The following CNOT1 variants were observed in gnomAD, a reference collection of about 807,000 sequenced individuals.
The protein encoded by CNOT1 is CCR4-NOT transcription complex subunit 1.
Under a neutral mutation model 273.8 loss-of-function variants are expected in CNOT1, and 15 were observed. The ratio of observed to expected loss-of-function variants is 0.05; its 90% CI spans 0.04 to 0.08. The LOEUF is 0.08. CNOT1 is among the 10% of genes least tolerant of loss of function. The pLI, the probability that CNOT1 is intolerant of heterozygous loss-of-function variation, is 1.00. For missense variants in CNOT1, 1,644 were observed against 2,912.2 expected (o/e 0.56, Z 10.02); for synonymous variants, 1,022 against 1,005.5 (o/e 1.02, Z -0.31).
intron 34 of CNOT1, among the ~76,000 whole-genome samples, chr16:58,540,426 C>T (rs189920084): frequency 1.3e-5 from 2 of 152,296 alleles, no homozygotes; most frequent in Admixed American, 1.3e-4. Context: ...ATTACCTGAA[C>T]CTAGTCATGA....
intron 1 of CNOT1, chr16:58,624,842 A>G (rs943877121): frequency 1.3e-5 from 2 of 152,174 alleles, no homozygotes; most frequent in Admixed American, 6.6e-5. Flanking sequence ...ATGGCTTCAT[A>G]TTAAGTCTAC....
chr16:58,611,906 A>G (rs2042915417), intron 1 of CNOT1, among the ~76,000 whole-genome samples: 2 of 152,038 alleles, frequency 1.3e-5, no homozygotes, highest in Non-Finnish European at 1.5e-5. Flanking sequence ...TGCCCCTCAC[A>G]CCTACTTCTT....
At chr16:58,578,312 T>G (rs2070880668) in intron 13 of CNOT1, among the ~76,000 whole-genome samples, 1 of 151,926 alleles carries the variant, frequency 6.6e-6, no homozygotes, top group South Asian at 2.1e-4. Context: ...AAATTAGCTG[T>G]GCATGGTGAT....
In CNOT1 at chr16:58,553,568, A is replaced by G. The variant is rs150324597; in HGVS notation, c.2970+214T>C. On this transcript the variant is annotated intron_variant, in intron 22 of 48. Coordinates refer to ENST00000317147, the MANE Select transcript of CNOT1 (RefSeq NM_016284.5). The stretch of plus-strand genomic sequence containing the variant: ...AAAAAGTTTTTGAGGTAAGCCTGCT[A>G]CTTAGAAAAGATAATCCAAGAATGA... 9.5e-3 allele frequency among the ~76,000 whole-genome samples: 1,448 copies of G among 152,316 alleles called. 12 individuals carry two copies. Among genetic ancestry groups the G allele is most frequent in the Middle Eastern group, 0.021 (6 of 292 alleles).
At chr16:58,569,352 T>C (rs527551097) in intron 16 of CNOT1, among the ~76,000 whole-genome samples, 2 of 152,142 alleles carry the variant, frequency 1.3e-5, no homozygotes, top group South Asian at 4.2e-4. Context: ...AAACTCCTGA[T>C]CTCAAGTGAT....
intron 2 of CNOT1, among the ~76,000 whole-genome samples, chr16:58,591,578 A>G (rs1416962326): frequency 1.3e-5 from 2 of 151,902 alleles, no homozygotes; most frequent in Non-Finnish European, 2.9e-5. Context: ...ACATGGTGAA[A>G]CCCCATCTCT....
At chr16:58,587,087 A>C in intron 6 of CNOT1, 114 bp downstream of exon 6, 1 of 1,383,956 alleles carries the variant, frequency 7.2e-7, no homozygotes, top group Non-Finnish European at 9.8e-7. Context: ...ACAGATAAAG[A>C]GAAATTAATT....
chr16:58,583,151 A>C lies in CNOT1; in HGVS notation c.838T>G (p.Phe280Val). The C allele has an allele frequency of 2.5e-6, 4 of 1,614,006 alleles. No individual in the cohort carries two copies. The highest frequency in any genetic ancestry group is 3.4e-6 in the Non-Finnish European group (4 of 1,180,006). ...GCAGCTGTGACCTCCCGAACACCAA[A>C]CTGCACGATTATATTGCGACATTCT... ...IEECRNIIVQ[F>V]GVREVTAAQV... Residue 280 changes from phenylalanine (F) to valine (V), a missense_variant, in exon 9 of 49, where the codon TTT becomes GTT. Phe to Val is a conservative substitution (Grantham distance 50). Transcript: ENST00000317147.
intron 7 of CNOT1, among the ~76,000 whole-genome samples, chr16:58,585,838 A>G (rs2041814796): frequency 6.6e-6 from 1 of 152,160 alleles, no homozygotes; most frequent in African/African-American, 2.4e-5. Context: ...AAAACAAACA[A>G]TTAGAATATC....
At chr16:58,521,156 G>C (rs542838819) in intron 48 of CNOT1, 27 bp downstream of exon 48, 110 of 1,612,974 alleles carry the variant, frequency 6.8e-5, no homozygotes, top group Non-Finnish European at 9.0e-5. Context: ...CTCATTCCTA[G>C]ACAATTAAAA....
rs1290915054 is a variant in CNOT1, at chr16:58,587,630, G to A, written c.309+150C>T. 11 of 1,078,982 alleles carry A rather than the reference G, an allele frequency of 1.0e-5. No homozygotes were observed. In the East Asian group the frequency reaches 2.1e-4, roughly 20 times the overall value. 66.8% of individuals were successfully genotyped at this position (1,078,982 alleles called of 1,614,324 possible). A position where few individuals can be genotyped will look rare whatever the true frequency, so the allele number is the denominator to read the frequency against. ...GATTCTATTTATTATTAAATGAACTGCCTTGATTTTGTTACAAACTATAAA... is the reference window on the plus strand; with the variant it reads ...GATTCTATTTATTATTAAATGAACTACCTTGATTTTGTTACAAACTATAAA... On this transcript the variant is annotated intron_variant, in intron 4 of 48. Transcript: ENST00000317147.
At position 58,523,396 on chromosome 16, in the gene CNOT1, C is replaced by T. The variant is rs199694259; in HGVS notation, c.6891G>A (p.Thr2297=). ...TTGTGATCTGTTCTTGGATGGCTTC[C>T]GTATTGGCCTCTGCAAAAAGGTACA... ...TMLYLFAEAN[T]EAIQEQITRV... The change falls in exon 47 of 49, where the codon ACG becomes ACA. Residue 2297 remains threonine (T), a synonymous_variant. Coordinates refer to ENST00000317147, the MANE Select transcript of CNOT1 (RefSeq NM_016284.5). 8.1e-6 allele frequency: 13 copies of T among 1,611,368 alleles called. No homozygotes were observed. Among genetic ancestry groups the T allele is most frequent in the African/African-American group, 2.7e-5 (2 of 74,976 alleles).
intron 1 of CNOT1, chr16:58,623,126 A>C (rs2043415876): frequency 6.6e-6 from 1 of 152,020 alleles, no homozygotes. Flanking sequence ...TGAACCCAGG[A>C]AGGAGAGGTT....
intron 46 of CNOT1, chr16:58,523,730 A>G (rs959707792): frequency 4.1e-5 from 16 of 393,820 alleles, no homozygotes; most frequent in Non-Finnish European, 6.4e-5. Flanking sequence ...AAACAGACCC[A>G]CTATGTGCTA....
At chr16:58,573,477 ATT>A (rs34706886) in intron 16 of CNOT1, among the ~76,000 whole-genome samples, 4,232 of 112,848 alleles carry the variant, frequency 0.038, 164 homozygotes, top group African/African-American at 0.15. Flanking sequence ...CTGTTTTGCA[ATT>A]TTTTTTTTTT....
chr16:58,583,910 T>C (rs2041744100), intron 8 of CNOT1, among the ~76,000 whole-genome samples: 1 of 151,770 alleles, frequency 6.6e-6, no homozygotes, highest in African/African-American at 2.4e-5. Flanking sequence ...GGCTCACGCC[T>C]GTAATCCCAG....
At chr16:58,567,334 T>G (rs998478046) in intron 16 of CNOT1, among the ~76,000 whole-genome samples, 2 of 151,550 alleles carry the variant, frequency 1.3e-5, no homozygotes, top group African/African-American at 4.8e-5. Flanking sequence ...CAAAAAGAAA[T>G]AATGCTGGCC....
intron 25 of CNOT1, chr16:58,548,433 A>G (rs756396134): frequency 4.2e-6 from 2 of 471,076 alleles, no homozygotes; most frequent in Admixed American, 2.4e-5. Context: ...ACTTTGCTAC[A>G]GAGTATGTGG....
chr16:58,627,669 A>T (rs1304200955), intron 1 of CNOT1, among the ~76,000 whole-genome samples: 2 of 152,174 alleles, frequency 1.3e-5, no homozygotes, highest in Non-Finnish European at 2.9e-5. Context: ...CTAGAAAAAA[A>T]GAAAATGAAC....
Sources: gnomAD v4.1 joint callset for allele counts (sites outside exome capture counted in the v4.1 genomes callset) on GRCh38, gnomAD v4.1.1 for gene constraint, MANE v1.5 for transcripts, NCBI Gene and HGNC (gene_info 2026-07-23, HGNC 2026-07-21) for gene names.